The following UBE2G1 variants were observed in gnomAD, a reference collection of about 807,000 sequenced individuals.
UBE2G1 encodes the protein ubiquitin conjugating enzyme E2 G1.
In UBE2G1, 5 loss-of-function variants were observed where a neutral mutation model predicts 22.7. The observed-to-expected ratio is 0.22, with a 90% CI of 0.12 to 0.46. UBE2G1 has a LOEUF of 0.46. UBE2G1 is among the 20% of genes least tolerant of loss of function. The probability of loss-of-function intolerance (pLI) is 0.99; values close to 1 mark genes in which losing one functional copy is unlikely to be tolerated. For synonymous variants in UBE2G1, 74 were observed against 67.5 expected (o/e 1.10, Z -0.47); for missense variants, 88 against 203.9 (o/e 0.43, Z 3.46).
At chr17:4,356,462 C>T (rs1969907707) in intron 1 of UBE2G1, among the ~76,000 whole-genome samples, 2 of 152,224 alleles carry the variant, frequency 1.3e-5, no homozygotes, top group South Asian at 4.1e-4. Context: ...TTTGCGTTCC[C>T]GCAGCATCTC....
At chr17:4,343,652 A>G (rs1300533446) in intron 1 of UBE2G1, among the ~76,000 whole-genome samples, 1 of 151,344 alleles carries the variant, frequency 6.6e-6, no homozygotes, top group South Asian at 2.1e-4. Context: ...GTGGTGGCGC[A>G]ATCTCGGCTC....
rs145214917 is a variant in UBE2G1, at chr17:4,319,292, A to G, written c.47-12169T>C. Among the ~76,000 whole-genome samples the G allele has an allele frequency of 4.6e-5, 7 of 152,340 alleles. No individual in the cohort carries two copies. In the East Asian group the frequency reaches 1.3e-3, roughly 29 times the overall value. On this transcript the variant is annotated intron_variant, in intron 1 of 5. Transcript: ENST00000396981. Reference sequence around the variant, plus strand: ...TGAACTTTAAAGTTAAATAATATCAAGGATATTCAGGAAGGGAAAAAACAA... The same window carrying G: ...TGAACTTTAAAGTTAAATAATATCAGGGATATTCAGGAAGGGAAAAAACAA...
At chr17:4,325,946 C>A (rs568827883) in intron 1 of UBE2G1, among the ~76,000 whole-genome samples, 2 of 152,120 alleles carry the variant, frequency 1.3e-5, no homozygotes, top group Admixed American at 6.6e-5. Context: ...TCTTTCCTTA[C>A]ATGATATGCA....
chr17:4,329,559 A>T lies in UBE2G1; in HGVS notation c.47-22436T>A, dbSNP rs1969545456. Reference sequence around the variant, plus strand: ...GGTGAATGAGACTCTGTCTCAAAAAAAAAAAAGAGACTGAGACTCTTCTTT... The same window carrying T: ...GGTGAATGAGACTCTGTCTCAAAAATAAAAAAGAGACTGAGACTCTTCTTT... On this transcript the variant is annotated intron_variant, in intron 1 of 5. Transcript: ENST00000396981. Among the ~76,000 whole-genome samples, 6 of 152,110 alleles carry T rather than the reference A, an allele frequency of 3.9e-5. No homozygotes were observed. The South Asian group carries it at 1.2e-3, about 31-fold the overall frequency.
intron 1 of UBE2G1, among the ~76,000 whole-genome samples, chr17:4,358,033 T>C (rs1000378216): frequency 1.3e-5 from 2 of 152,124 alleles, no homozygotes; most frequent in Middle Eastern, 3.2e-3. Flanking sequence ...TTTCTATCTA[T>C]AGTGGATATA....
intron 2 of UBE2G1, among the ~76,000 whole-genome samples, chr17:4,299,363 C>T (rs923633355): frequency 8.5e-5 from 13 of 152,088 alleles, no homozygotes; most frequent in Admixed American, 5.9e-4. Context: ...TGTGCCACTG[C>T]ACTCCAGCGT....
At chr17:4,326,789 A>T (rs1424554344) in intron 1 of UBE2G1, among the ~76,000 whole-genome samples, 1 of 152,244 alleles carries the variant, frequency 6.6e-6, no homozygotes, top group African/African-American at 2.4e-5. Flanking sequence ...ATTCTACAAC[A>T]TGAATGAACT....
intron 4 of UBE2G1, among the ~76,000 whole-genome samples, chr17:4,287,460 T>C (rs1327208058): frequency 6.6e-6 from 1 of 152,158 alleles, no homozygotes; most frequent in African/African-American, 2.4e-5. Context: ...TAAACATTCA[T>C]CAGGTCTCTC....
intron 5 of UBE2G1, among the ~76,000 whole-genome samples, chr17:4,274,214 T>TTTGAGA (rs1418157728): frequency 3.4e-5 from 5 of 148,480 alleles, no homozygotes; most frequent in African/African-American, 1.2e-4. Flanking sequence ...TTTTTTTTTT[T>TTTGAGA]TGAGACAGAG....
intron 1 of UBE2G1, among the ~76,000 whole-genome samples, chr17:4,326,826 G>A (rs1969508213): frequency 6.6e-6 from 1 of 152,220 alleles, no homozygotes; most frequent in East Asian, 1.9e-4. Context: ...AGTGCAATAA[G>A]CCAGATACAA....
intron 2 of UBE2G1, among the ~76,000 whole-genome samples, chr17:4,303,727 C>A (rs897572938): frequency 6.6e-6 from 1 of 152,150 alleles, no homozygotes; most frequent in Non-Finnish European, 1.5e-5. Flanking sequence ...TAATTTATAA[C>A]TGGAATAGAA....
intron 1 of UBE2G1, among the ~76,000 whole-genome samples, chr17:4,315,632 C>T (rs1295414455): frequency 3.3e-5 from 5 of 149,990 alleles, no homozygotes; most frequent in South Asian, 4.3e-4. Context: ...CCCAGCTACT[C>T]GGGAGGCTGA....
chr17:4,285,977 G>A (rs1431061205), intron 4 of UBE2G1, among the ~76,000 whole-genome samples: 1 of 151,530 alleles, frequency 6.6e-6, no homozygotes, highest in Non-Finnish European at 1.5e-5. Context: ...TGGAGCCAAA[G>A]AAGAAAGGGA....
chr17:4,339,461 C>G (rs1026713120), intron 1 of UBE2G1, among the ~76,000 whole-genome samples: 1 of 152,076 alleles, frequency 6.6e-6, no homozygotes, highest in African/African-American at 2.4e-5. Context: ...CCCACGACCA[C>G]GATCGGCTAA....
At chr17:4,283,607 T>C (rs1968922907) in intron 4 of UBE2G1, among the ~76,000 whole-genome samples, 1 of 152,168 alleles carries the variant, frequency 6.6e-6, no homozygotes, top group African/African-American at 2.4e-5. Flanking sequence ...ATAGGTGGGA[T>C]GCATCATATT....
At chr17:4,352,720 C>T (rs1275427278) in intron 1 of UBE2G1, among the ~76,000 whole-genome samples, 2 of 152,100 alleles carry the variant, frequency 1.3e-5, no homozygotes, top group African/African-American at 4.8e-5. Context: ...GATCATTTTC[C>T]TGATAATGAC....
At chr17:4,319,280 TAAA>T (rs1187448669) in intron 1 of UBE2G1, among the ~76,000 whole-genome samples, 1 of 152,112 alleles carries the variant, frequency 6.6e-6, no homozygotes, top group African/African-American at 2.4e-5. Flanking sequence ...ACTTTAAAGT[TAAA>T]TAATATCAAG....
intron 4 of UBE2G1, among the ~76,000 whole-genome samples, chr17:4,284,013 T>G (rs1347835079): frequency 6.6e-6 from 1 of 151,704 alleles, no homozygotes; most frequent in Non-Finnish European, 1.5e-5. Context: ...AAAAATTAGC[T>G]GGACGTGGTG....
At chr17:4,353,518 TAGAC>T (rs1192171425) in intron 1 of UBE2G1, among the ~76,000 whole-genome samples, 2 of 151,424 alleles carry the variant, frequency 1.3e-5, no homozygotes, top group East Asian at 1.9e-4. Flanking sequence ...TTTTTTTTTT[TAGAC>T]AGAGTCTTGT....
Sources: gnomAD v4.1 joint callset for allele counts (sites outside exome capture counted in the v4.1 genomes callset) on GRCh38, gnomAD v4.1.1 for gene constraint, MANE v1.5 for transcripts, NCBI Gene and HGNC (gene_info 2026-07-23, HGNC 2026-07-21) for gene names.